The following SASH1 variants were observed in gnomAD, a reference collection of about 807,000 sequenced individuals.
The protein encoded by SASH1 is SAM and SH3 domain containing 1.
In SASH1, 44 loss-of-function variants were observed where a neutral mutation model predicts 125.2. The observed-to-expected ratio is 0.35, with a 90% CI of 0.28 to 0.45. The LOEUF is 0.45. Among genes scored for constraint, SASH1 ranks in the 20% least tolerant of loss-of-function variants. SASH1 has a pLI of 1.00. For missense variants in SASH1, 1,426 were observed against 1,614.5 expected, an observed-to-expected ratio of 0.88 and a Z score of 2.00; for synonymous variants, 639 against 649.1, an observed-to-expected ratio of 0.98 and a Z score of 0.24.
chr6:148,281,680 T>G (rs1049579779), intron 1 of SASH1, among the ~76,000 whole-genome samples: 1 of 151,996 alleles, frequency 6.6e-6, no homozygotes, highest in Non-Finnish European at 1.5e-5. Flanking sequence ...CCCAGCACTT[T>G]GGGAGGCTGA....
chr6:148,496,914 A>C (rs2115250831), intron 8 of SASH1, among the ~76,000 whole-genome samples: 1 of 152,250 alleles, frequency 6.6e-6, no homozygotes, highest in African/African-American at 2.4e-5. Context: ...AAAAATATAA[A>C]ATAATGTATA....
At chr6:148,370,867 C>A (rs1782679427) in intron 1 of SASH1, among the ~76,000 whole-genome samples, 1 of 152,090 alleles carries the variant, frequency 6.6e-6, no homozygotes, top group South Asian at 2.1e-4. Context: ...AAAATATATT[C>A]TGACCTAATA....
chr6:148,522,396 G>A (rs1346894179), intron 10 of SASH1, among the ~76,000 whole-genome samples: 1 of 152,082 alleles, frequency 6.6e-6, no homozygotes, highest in African/African-American at 2.4e-5. Flanking sequence ...TATTTAAAAG[G>A]TTATTTTCCA....
At chr6:148,447,186 C>A (rs1583173867) in intron 4 of SASH1, among the ~76,000 whole-genome samples, 1 of 152,300 alleles carries the variant, frequency 6.6e-6, no homozygotes, top group South Asian at 2.1e-4. Flanking sequence ...GTTGAACATT[C>A]ACTGATTTAG....
At chr6:148,247,784 G>A in the SASH1 span, among the ~76,000 whole-genome samples, 5 of 152,292 alleles carry the variant, frequency 3.3e-5, no homozygotes, top group East Asian at 1.9e-4. Flanking sequence ...AACTAAAACC[G>A]AATGTTAAGT....
chr6:148,230,384 C>T, the SASH1 span, among the ~76,000 whole-genome samples: 2 of 151,564 alleles, frequency 1.3e-5, no homozygotes, highest in East Asian at 3.9e-4. Context: ...CACTATATAG[C>T]CCAGGCTAGT....
the SASH1 span, among the ~76,000 whole-genome samples, chr6:148,198,699 C>G: frequency 1.3e-5 from 2 of 152,310 alleles, no homozygotes; most frequent in East Asian, 3.9e-4. Flanking sequence ...AAGGCAAGAA[C>G]TCTAAAGCAT....
rs796518767 is a variant in SASH1, at chr6:148,440,305, C to G, written c.337-53C>G. 20 of 1,608,346 alleles carry G rather than the reference C, an allele frequency of 1.2e-5. No individual in the cohort carries two copies. In the African/African-American group the frequency reaches 2.1e-4, roughly 17 times the overall value. Reference sequence around the variant, plus strand: ...TTTTTAAGTGACACTCTGTACAAATCAGATGAAGCCTGCTGCTCTGACCAC... The same window carrying G: ...TTTTTAAGTGACACTCTGTACAAATGAGATGAAGCCTGCTGCTCTGACCAC... On this transcript the variant is annotated intron_variant, in intron 3 of 19. Transcript: ENST00000367467.
At chr6:148,420,313 C>G (rs1301104988) in intron 2 of SASH1, among the ~76,000 whole-genome samples, 1 of 152,032 alleles carries the variant, frequency 6.6e-6, no homozygotes, top group African/African-American at 2.4e-5. Context: ...CTGCTTTCGA[C>G]TGTAAAATTT....
chr6:148,388,767 AGCCTGCTTC>A (rs1300510722), intron 1 of SASH1, among the ~76,000 whole-genome samples: 1 of 152,246 alleles, frequency 6.6e-6, no homozygotes, highest in African/African-American at 2.4e-5. Flanking sequence ...CTTGCATCTA[AGCCTGCTTC>A]GCAGTGTTAG....
intron 1 of SASH1, among the ~76,000 whole-genome samples, chr6:148,316,917 T>C (rs972392143): frequency 1.3e-5 from 2 of 152,218 alleles, no homozygotes; most frequent in African/African-American, 2.4e-5. Context: ...TATGAGCTAC[T>C]GAAATAGAAG....
Position 148,362,311 on chromosome 6 carries a change from C to G in SASH1, c.156+19088C>G, listed in dbSNP as rs560875151. Among the ~76,000 whole-genome samples, 15 of 151,748 alleles carry G rather than the reference C, an allele frequency of 9.9e-5. No homozygotes were observed. In the South Asian group the frequency reaches 2.9e-3, roughly 30 times the overall value. On this transcript the variant is annotated intron_variant, in intron 1 of 19. Transcript: ENST00000367467. ...CATCTTGGCTCACTACAACCTCTGC[C>G]TCTCTGGTTTAAGAGATTCTCCTGC...
At chr6:148,254,588 C>T in the SASH1 span, among the ~76,000 whole-genome samples, 1 of 152,158 alleles carries the variant, frequency 6.6e-6, no homozygotes, top group African/African-American at 2.4e-5. Flanking sequence ...CCAATAAGCA[C>T]ATGAAAAGAT....
intron 2 of SASH1, among the ~76,000 whole-genome samples, chr6:148,418,434 C>T (rs377455563): frequency 6.6e-6 from 1 of 152,126 alleles, no homozygotes; most frequent in African/African-American, 2.4e-5. Flanking sequence ...ATGTTTCTGT[C>T]ATTGTTTTGC....
the SASH1 span, among the ~76,000 whole-genome samples, chr6:148,244,460 A>G: frequency 4.6e-5 from 7 of 152,210 alleles, no homozygotes; most frequent in Non-Finnish European, 7.3e-5. Context: ...ACCCAGCGGT[A>G]GGACGTTGTT....
the SASH1 span, among the ~76,000 whole-genome samples, chr6:148,215,133 G>C: frequency 7.2e-5 from 11 of 152,244 alleles, no homozygotes; most frequent in African/African-American, 2.7e-4. Context: ...ACAGAAGACT[G>C]TGAGGGGTTC....
chr6:148,278,420 A>G (rs1779249278), intron 1 of SASH1, among the ~76,000 whole-genome samples: 1 of 152,152 alleles, frequency 6.6e-6, no homozygotes, highest in African/African-American at 2.4e-5. Context: ...CATCTTACCT[A>G]AAAACTCATT....
Position 148,544,281 on chromosome 6 carries a change from T to A in SASH1, c.2811T>A (p.Pro937=). The A allele has an allele frequency of 6.2e-7, 1 of 1,614,104 alleles. No individual in the cohort carries two copies. The highest frequency in any genetic ancestry group is 1.1e-5 in the South Asian group (1 of 91,078). Residue 937 remains proline (P), a synonymous_variant, in exon 18 of 20, where the codon CCT becomes CCA. Transcript: ENST00000367467. This position sits in a 1 kb window ranked among gnomAD's most constrained non-coding sequence, Gnocchi z 6.4. ...CCAGAAACTATGATGCTCAGCCTCCTGGAGCTAAACACGGTTTAGCAAGGA... is the reference window on the plus strand; with the variant it reads ...CCAGAAACTATGATGCTCAGCCTCCAGGAGCTAAACACGGTTTAGCAAGGA... The part of the protein sequence containing the change: ...CLPRNYDAQP[P]GAKHGLARTP...
At chr6:148,513,728 G>A (rs1445469341) in intron 8 of SASH1, 12 of 985,738 alleles carry the variant, frequency 1.2e-5, no homozygotes, top group Admixed American at 6.1e-5. Context: ...CCTCACATTC[G>A]CCTTGTGAGC....
Sources: allele counts gnomAD v4.1 joint callset (sites outside exome capture counted in the v4.1 genomes callset), GRCh38; gene constraint gnomAD v4.1.1; non-coding constraint Gnocchi (gnomAD v3.1); transcripts MANE v1.5; gene names NCBI Gene and HGNC (gene_info 2026-07-23, HGNC 2026-07-21).